Variants in PDE4D observed in about 807,000 individuals in gnomAD.
PDE4D encodes 3',5'-cyclic-AMP phosphodiesterase 4D.
A neutral mutation model predicts 87.4 loss-of-function variants in PDE4D; 24 were observed. That is an observed-to-expected ratio of 0.27 (90% CI 0.20 to 0.39). The LOEUF is 0.39. PDE4D is among the 10% of genes least tolerant of loss of function. PDE4D has a pLI of 1.00. For missense variants in PDE4D, 714 were observed against 1,041.0 expected, an observed-to-expected ratio of 0.69 and a Z score of 4.32; for synonymous variants, 384 against 383.2, an observed-to-expected ratio of 1.00 and a Z score of -0.02.
intron 1 of PDE4D, among the ~76,000 whole-genome samples, chr5:60,512,404 A>G (rs1750617003): frequency 6.6e-6 from 1 of 152,202 alleles, no homozygotes; most frequent in South Asian, 2.1e-4. Context: ...TCTATTTTGA[A>G]TCATCAAATA....
intron 1 of PDE4D, among the ~76,000 whole-genome samples, chr5:59,384,622 T>A (rs1419815335): frequency 1.4e-4 from 21 of 152,128 alleles, no homozygotes; most frequent in Admixed American, 1.4e-3. Context: ...ATTATGCACA[T>A]ATAATTTTAA....
At chr5:59,205,273 T>C (rs1053418621) in intron 2 of PDE4D, among the ~76,000 whole-genome samples, 6 of 152,176 alleles carry the variant, frequency 3.9e-5, no homozygotes, top group African/African-American at 1.4e-4. Flanking sequence ...TCTTTTTCAC[T>C]GAAGTGAAAA....
chr5:59,243,877 T>A (rs1235871655), intron 1 of PDE4D, among the ~76,000 whole-genome samples: 1 of 152,112 alleles, frequency 6.6e-6, no homozygotes, highest in Admixed American at 6.6e-5. Flanking sequence ...TCCAAAAATT[T>A]TGCCAAAGTA....
chr5:59,215,359 C>T (rs142057580), intron 2 of PDE4D: 8 of 204,672 alleles, frequency 3.9e-5, no homozygotes, highest in Admixed American at 3.7e-4. Context: ...ATTCAAAATG[C>T]TATACAGTCT....
intron 1 of PDE4D, among the ~76,000 whole-genome samples, chr5:59,220,377 C>CAAAAAAAAAAAAAAAAAA (rs57610513): frequency 8.3e-4 from 30 of 36,124 alleles, no homozygotes; most frequent in South Asian, 2.2e-3. Context: ...GACTCTGTCT[C>CAAAAAAAAAAAAAAAAAA]AAAAAAAAAA....
intron 1 of PDE4D, among the ~76,000 whole-genome samples, chr5:59,401,626 A>C (rs1247319393): frequency 1.3e-5 from 2 of 152,046 alleles, no homozygotes; most frequent in Non-Finnish European, 2.9e-5. Context: ...ATTACACTGA[A>C]ATGTTAGGGG....
intron 1 of PDE4D, chr5:59,356,656 A>C (rs1340677862): frequency 1.2e-6 from 1 of 842,884 alleles, no homozygotes; most frequent in Non-Finnish European, 1.8e-6. Flanking sequence ...CAATTTAACA[A>C]GCATTAGGAG....
intron 1 of PDE4D, among the ~76,000 whole-genome samples, chr5:59,540,679 G>A (rs541614936): frequency 3.9e-4 from 59 of 152,270 alleles, no homozygotes; most frequent in African/African-American, 1.4e-3. Flanking sequence ...AGCCACAAAG[G>A]AAGGGGAAGA....
At chr5:59,859,882 A>G (rs1746000572) in intron 1 of PDE4D, among the ~76,000 whole-genome samples, 1 of 152,144 alleles carries the variant, frequency 6.6e-6, no homozygotes, top group African/African-American at 2.4e-5. Flanking sequence ...CAAGTTTACA[A>G]ATTGGTCCTC....
intron 1 of PDE4D, among the ~76,000 whole-genome samples, chr5:59,533,762 G>T (rs998610608): frequency 1.3e-5 from 2 of 152,158 alleles, no homozygotes; most frequent in African/African-American, 4.8e-5. Flanking sequence ...TGGGGAAGGG[G>T]CCTGGTAATG....
rs185855869 is a variant in PDE4D at position 59,999,470 on chromosome 5, A to C, written c.43-10753T>G. Among the ~76,000 whole-genome samples the C allele has an allele frequency of 4.1e-3, 618 of 151,682 alleles. 6 individuals carry two copies. Among genetic ancestry groups the C allele is most frequent in the African/African-American group, 0.014 (581 of 41,296 alleles). ...AAAAGCTCTTGGAAGAAAAAGAAGC[A>C]AATCACTCTAACTGGGAAAGAACAC... is the stretch of plus-strand genomic sequence containing the variant. On this transcript the variant is annotated intron_variant, in intron 2 of 16. Transcript: ENST00000502484.
chr5:59,902,057 G>A (rs997063799), intron 3 of PDE4D, among the ~76,000 whole-genome samples: 2 of 151,470 alleles, frequency 1.3e-5, no homozygotes, highest in Non-Finnish European at 2.9e-5. Flanking sequence ...TTAGCAGGAA[G>A]GACTATTAGC....
chr5:59,819,058 G>A (rs140127211), intron 1 of PDE4D, among the ~76,000 whole-genome samples: 31 of 152,216 alleles, frequency 2.0e-4, no homozygotes, highest in African/African-American at 6.3e-4. Flanking sequence ...TGATCTATAC[G>A]TGCCTTATAT....
At chr5:59,163,423 C>T (rs2153466745) in intron 5 of PDE4D, among the ~76,000 whole-genome samples, 1 of 152,186 alleles carries the variant, frequency 6.6e-6, no homozygotes, top group East Asian at 1.9e-4. Flanking sequence ...AGGCATGTGC[C>T]ACCACGCCTG....
At chr5:59,808,648 C>A (rs1328767249) in intron 1 of PDE4D, among the ~76,000 whole-genome samples, 1 of 152,082 alleles carries the variant, frequency 6.6e-6, no homozygotes, top group African/African-American at 2.4e-5. Context: ...TTCCATTATT[C>A]TGCTCACACA....
At chr5:60,044,944 A>C (rs1020209605) in intron 2 of PDE4D, among the ~76,000 whole-genome samples, 39 of 152,132 alleles carry the variant, frequency 2.6e-4, no homozygotes, top group Non-Finnish European at 4.7e-4. Flanking sequence ...CGCCACACTG[A>C]CTTCCACAAT....
chr5:60,189,609 A>C (rs368901223), intron 1 of PDE4D, among the ~76,000 whole-genome samples: 1 of 152,228 alleles, frequency 6.6e-6, no homozygotes, highest in East Asian at 1.9e-4. Flanking sequence ...GTGAAAAGGG[A>C]TTCCAATCAT....
At position 58,975,543 on chromosome 5, in the gene PDE4D, A is replaced by G; in HGVS notation, c.2013+114T>C. Reference sequence around the variant, plus strand: ...ATACTAAGGTGAAATTGAGCTTGTCAAAAACAAAGTAATTTTAAAAATCCA... The same window carrying G: ...ATACTAAGGTGAAATTGAGCTTGTCGAAAACAAAGTAATTTTAAAAATCCA... On this transcript the variant is annotated intron_variant, in intron 14 of 14. Coordinates refer to ENST00000340635, the MANE Select transcript of PDE4D (RefSeq NM_001104631.2). This position sits in a 1 kb window ranked among gnomAD's most constrained non-coding sequence, Gnocchi z 4.2. The G allele has an allele frequency of 1.2e-6, 1 of 868,210 alleles. No homozygotes were observed. The highest frequency in any genetic ancestry group is 1.6e-6 in the Non-Finnish European group (1 of 616,098). 53.8% of individuals were successfully genotyped at this position (868,210 alleles called of 1,614,324 possible). A position where few individuals can be genotyped will look rare whatever the true frequency, so the allele number is the denominator to read the frequency against.
intron 2 of PDE4D, among the ~76,000 whole-genome samples, chr5:60,160,496 A>C (rs1675434183): frequency 6.6e-6 from 1 of 152,030 alleles, no homozygotes; most frequent in Non-Finnish European, 1.5e-5. Context: ...AACACTAACA[A>C]AATTTTTTTT....
Sources: allele counts gnomAD v4.1 joint callset (sites outside exome capture counted in the v4.1 genomes callset), GRCh38; gene constraint gnomAD v4.1.1; non-coding constraint Gnocchi (gnomAD v3.1); transcripts MANE v1.5; gene names NCBI Gene and HGNC (gene_info 2026-07-23, HGNC 2026-07-21).